The following ANKS1B variants were observed in gnomAD, a reference collection of about 807,000 sequenced individuals.
ANKS1B encodes the protein ankyrin repeat and sterile alpha motif domain containing 1B.
A neutral mutation model predicts 148.3 loss-of-function variants in ANKS1B; 36 were observed. The observed-to-expected ratio is 0.24, with a 90% CI of 0.19 to 0.32. The LOEUF (loss-of-function observed/expected upper bound fraction) is 0.32. ANKS1B is among the 10% of genes least tolerant of loss of function. ANKS1B has a pLI of 1.00. For synonymous variants in ANKS1B, 542 were observed against 560.8 expected (o/e 0.97, Z 0.47); for missense variants, 1,157 against 1,542.6 (o/e 0.75, Z 4.19).
intron 8 of ANKS1B, among the ~76,000 whole-genome samples, chr12:99,701,954 G>C (rs902769848): frequency 6.6e-6 from 1 of 152,116 alleles, no homozygotes; most frequent in African/African-American, 2.4e-5. Flanking sequence ...TGGACACTTA[G>C]GTTGCTTCCA....
At chr12:99,637,286 C>T (rs985579751) in intron 9 of ANKS1B, among the ~76,000 whole-genome samples, 4 of 152,144 alleles carry the variant, frequency 2.6e-5, no homozygotes, top group Admixed American at 6.5e-5. Flanking sequence ...GCTTGGGCAG[C>T]AAAGTGAGAC....
chr12:99,027,936 G>T (rs970484591), intron 17 of ANKS1B, among the ~76,000 whole-genome samples: 2 of 152,114 alleles, frequency 1.3e-5, no homozygotes, highest in Non-Finnish European at 2.9e-5. Flanking sequence ...CTACTCTAGA[G>T]AATGCATATA....
intron 24 of ANKS1B, among the ~76,000 whole-genome samples, chr12:98,777,738 A>G (rs919142479): frequency 6.6e-6 from 1 of 152,352 alleles, no homozygotes; most frequent in African/African-American, 2.4e-5. Flanking sequence ...TAGGCAATAC[A>G]TTTATGAGTT....
chr12:98,858,939 C>T (rs776460024), intron 17 of ANKS1B, among the ~76,000 whole-genome samples: 9 of 152,142 alleles, frequency 5.9e-5, no homozygotes, highest in South Asian at 2.1e-4. Context: ...CTTATATTAT[C>T]GATTTACATT....
chr12:99,811,094 A>G (rs913252900), intron 3 of ANKS1B, among the ~76,000 whole-genome samples: 2 of 152,016 alleles, frequency 1.3e-5, no homozygotes, highest in African/African-American at 4.8e-5. Context: ...TTAATAAGAT[A>G]CTTTTCCAAT....
At chr12:98,832,623 T>C (rs1239982856) in intron 17 of ANKS1B, among the ~76,000 whole-genome samples, 2 of 152,050 alleles carry the variant, frequency 1.3e-5, no homozygotes, top group East Asian at 3.9e-4. Flanking sequence ...ATGCCCCCTC[T>C]CCCCTCTGAG....
chr12:98,759,364 GA>G (rs1428435655), intron 25 of ANKS1B, among the ~76,000 whole-genome samples: 1 of 152,138 alleles, frequency 6.6e-6, no homozygotes, highest in East Asian at 1.9e-4. Flanking sequence ...AGTGATCACT[GA>G]ATGACATGGG....
chr12:98,977,141 C>T (rs896712098), intron 17 of ANKS1B, among the ~76,000 whole-genome samples: 7 of 152,270 alleles, frequency 4.6e-5, no homozygotes, highest in South Asian at 2.1e-4. Flanking sequence ...TATGTATTCA[C>T]GGTTGTACAA....
intron 1 of ANKS1B, among the ~76,000 whole-genome samples, chr12:99,837,110 T>C (rs74377758): frequency 0.019 from 2,899 of 152,098 alleles, 119 homozygotes; most frequent in East Asian, 0.095. Flanking sequence ...AGAGTCAGAA[T>C]CAAAAAGACG....
At chr12:99,880,090 T>C (rs2092382608) in intron 1 of ANKS1B, among the ~76,000 whole-genome samples, 1 of 152,098 alleles carries the variant, frequency 6.6e-6, no homozygotes, top group East Asian at 1.9e-4. Context: ...CCTGAAAAAA[T>C]GTAGAGTGAT....
At chr12:98,995,478 C>G (rs1002576001) in intron 17 of ANKS1B, among the ~76,000 whole-genome samples, 1 of 151,920 alleles carries the variant, frequency 6.6e-6, no homozygotes, top group Non-Finnish European at 1.5e-5. Context: ...TGTGTAAGAA[C>G]GCTAAATGAC....
intron 17 of ANKS1B, among the ~76,000 whole-genome samples, chr12:98,886,541 G>A (rs1035621195): frequency 1.3e-5 from 2 of 152,162 alleles, no homozygotes; most frequent in African/African-American, 4.8e-5. Flanking sequence ...CCTGAAGTAG[G>A]TAACAATGTA....
At chr12:99,108,882 G>A (rs576450540) in intron 15 of ANKS1B, among the ~76,000 whole-genome samples, 14 of 152,214 alleles carry the variant, frequency 9.2e-5, no homozygotes, top group South Asian at 4.1e-4. Flanking sequence ...ATGAGAACTC[G>A]AGAGACATGG....
intron 4 of ANKS1B, among the ~76,000 whole-genome samples, chr12:99,783,858 A>T (rs2064661925): frequency 6.6e-6 from 1 of 152,162 alleles, no homozygotes; most frequent in Non-Finnish European, 1.5e-5. Context: ...ATATTTTCAA[A>T]TACTGGAAGA....
Position 98,909,081 on chromosome 12 carries a change from T to G in ANKS1B, c.2779-76945A>C, listed in dbSNP as rs11608709. Among the ~76,000 whole-genome samples, 1,389 of 152,268 alleles carry G rather than the reference T, an allele frequency of 9.1e-3. 10 individuals are homozygous for G. The highest frequency in any genetic ancestry group is 0.015 in the Non-Finnish European group (1,004 of 68,032). ...TTGTGCCAGAAGATGAGTGCAGAGC[T>G]GGTGTGTGGTTCTAATACTATTCTT... On this transcript the variant is annotated intron_variant, in intron 17 of 26. Transcript: ENST00000683438.
chr12:99,197,957 C>A (rs1313102712), intron 14 of ANKS1B, among the ~76,000 whole-genome samples: 2 of 152,074 alleles, frequency 1.3e-5, no homozygotes, highest in South Asian at 4.1e-4. Context: ...TGATTTTGTA[C>A]TTTCTGGTCA....
At chr12:98,936,586 C>T in intron 17 of ANKS1B, among the ~76,000 whole-genome samples, 1 of 151,996 alleles carries the variant, frequency 6.6e-6, no homozygotes, top group East Asian at 1.9e-4. Context: ...GAGATCGCAC[C>T]ACTGCACTCC....
chr12:98,826,839 G>A (rs2099252738), intron 19 of ANKS1B, among the ~76,000 whole-genome samples: 1 of 152,282 alleles, frequency 6.6e-6, no homozygotes, highest in Non-Finnish European at 1.5e-5. Context: ...GCTAATTCAA[G>A]TCTTTAGGAA....
At chr12:99,330,149 T>C (rs1300540953) in intron 12 of ANKS1B, among the ~76,000 whole-genome samples, 1 of 152,058 alleles carries the variant, frequency 6.6e-6, no homozygotes, top group South Asian at 2.1e-4. Context: ...GTAATTAAGA[T>C]CCAATCCAAG....
Sources: allele counts gnomAD v4.1 joint callset (sites outside exome capture counted in the v4.1 genomes callset), GRCh38; gene constraint gnomAD v4.1.1; transcripts MANE v1.5; gene names NCBI Gene and HGNC (gene_info 2026-07-23, HGNC 2026-07-21).